The following ATP2B2 variants were observed in gnomAD, a reference collection of about 807,000 sequenced individuals.
The protein encoded by ATP2B2 is ATPase plasma membrane Ca2+ transporting 2.
In ATP2B2, 15 loss-of-function variants were observed where a neutral mutation model predicts 120.0. That is an observed-to-expected ratio of 0.12 (90% CI 0.08 to 0.19). The LOEUF (loss-of-function observed/expected upper bound fraction) is 0.19. Ranked by LOEUF, ATP2B2 falls within the 10% of genes least tolerant of loss-of-function variation. The pLI is 1.00. For synonymous variants in ATP2B2, 694 were observed against 700.3 expected (o/e 0.99, Z 0.14); for missense variants, 1,045 against 1,719.8 (o/e 0.61, Z 6.94).
intron 1 of ATP2B2, among the ~76,000 whole-genome samples, chr3:10,466,946 C>G (rs1023672125): frequency 1.3e-5 from 2 of 152,238 alleles, no homozygotes; most frequent in African/African-American, 2.4e-5. Flanking sequence ...TCACACCCAC[C>G]ATGGGTGGGT....
At chr3:10,699,714 T>C (rs952121690) in intron 1 of ATP2B2, among the ~76,000 whole-genome samples, 2 of 152,160 alleles carry the variant, frequency 1.3e-5, no homozygotes, top group African/African-American at 4.8e-5. Context: ...TAAGAGGTGA[T>C]TAGATCATGG....
At position 10,400,956 on chromosome 3, in the gene ATP2B2, A is replaced by C; in HGVS notation, c.778T>G (p.Ser260Ala). ...CCAACATCAGGCTGAAGCTCACCTG[A>C]CAGCAGCATGGGGTCCTTGTCCACG... ...KSVDKDPMLL[S>A]GTHVMEGSGR... is the part of the protein sequence containing the mutation. Residue 260 changes from serine (S) to alanine (A), a missense_variant, in exon 5 of 23, where the codon TCA (serine) becomes GCA (alanine). Physicochemically the swap from Ser to Ala is moderately conservative, Grantham distance 99. Coordinates refer to ENST00000360273, the MANE Select transcript of ATP2B2 (RefSeq NM_001001331.4). 2 of 1,614,060 alleles carry C rather than the reference A, an allele frequency of 1.2e-6. No homozygotes were observed. Among genetic ancestry groups the C allele is most frequent in the Non-Finnish European group, 1.7e-6 (2 of 1,179,952 alleles).
chr3:10,472,443 T>C (rs2065051137), intron 1 of ATP2B2, among the ~76,000 whole-genome samples: 1 of 152,204 alleles, frequency 6.6e-6, no homozygotes, highest in Non-Finnish European at 1.5e-5. Flanking sequence ...GGGCAAGGAC[T>C]GTTCCAAGGT....
intron 12 of ATP2B2, among the ~76,000 whole-genome samples, chr3:10,367,478 A>AG (rs1214084675): frequency 2.0e-5 from 3 of 152,130 alleles, no homozygotes; most frequent in Non-Finnish European, 4.4e-5. Flanking sequence ...CAAACTACAG[A>AG]GGGGAAAGCT....
At chr3:10,344,201 A>G (rs2060364050) in intron 18 of ATP2B2, among the ~76,000 whole-genome samples, 2 of 151,942 alleles carry the variant, frequency 1.3e-5, no homozygotes, top group Non-Finnish European at 2.9e-5. Context: ...TGGCCTCGCC[A>G]CCAACTCAAT....
Position 10,340,466 on chromosome 3 carries a change from G to T in ATP2B2, c.3129+27C>A, listed in dbSNP as rs1159151772. 3.1e-6 allele frequency: 5 copies of T among 1,614,002 alleles called. No homozygotes were observed. Among genetic ancestry groups the T allele is most frequent in the East Asian group, 2.2e-5 (1 of 44,880 alleles). On this transcript the variant is annotated intron_variant, in intron 20 of 22. Transcript: ENST00000360273. The surrounding 1 kb of genome is among the most constrained non-coding windows in gnomAD (Gnocchi z 5.0). ...TCCAGCCGCTTGCTGCCCACCCCGGGCCTGGTTAGGGTGGGGGCCTCACTA... is the reference window on the plus strand; with the variant it reads ...TCCAGCCGCTTGCTGCCCACCCCGGTCCTGGTTAGGGTGGGGGCCTCACTA...
At position 10,383,797 on chromosome 3, in the gene ATP2B2, A is replaced by T. The variant is rs142468252; in HGVS notation, c.1000+1471T>A. Among the ~76,000 whole-genome samples the T allele has an allele frequency of 1.2e-3, 179 of 152,310 alleles. 6 individuals are homozygous for T. The South Asian group carries it at 0.028, about 23-fold the overall frequency. Reference sequence around the variant, plus strand: ...TGGTCAAGAAATGAACGTTTCCTACAGTTTCTCTTGGGATATTTGGGGTTT... The same window carrying T: ...TGGTCAAGAAATGAACGTTTCCTACTGTTTCTCTTGGGATATTTGGGGTTT... On this transcript the variant is annotated intron_variant, in intron 8 of 22. Coordinates refer to ENST00000360273, the MANE Select transcript of ATP2B2 (RefSeq NM_001001331.4).
intron 2 of ATP2B2, among the ~76,000 whole-genome samples, chr3:10,428,020 A>T (rs2063196962): frequency 6.6e-6 from 1 of 152,218 alleles, no homozygotes; most frequent in Admixed American, 6.5e-5. Flanking sequence ...TAAATCCTTC[A>T]TGTGTTCTAT....
intron 1 of ATP2B2, among the ~76,000 whole-genome samples, chr3:10,707,329 GGA>G (rs1333344565): frequency 2.0e-5 from 3 of 152,212 alleles, no homozygotes; most frequent in Non-Finnish European, 2.9e-5. Flanking sequence ...AGGTGAGGCT[GGA>G]GATGCGGAGA....
chr3:10,610,733 A>C (rs77309849), intron 2 of ATP2B2, among the ~76,000 whole-genome samples: 6,340 of 151,738 alleles, frequency 0.042, 204 homozygotes, highest in South Asian at 0.1. Flanking sequence ...CTCCCTTCAT[A>C]TCTCTCTCCT....
chr3:10,577,212 C>T (rs2068274289), intron 2 of ATP2B2, among the ~76,000 whole-genome samples: 2 of 152,146 alleles, frequency 1.3e-5, no homozygotes, highest in Admixed American at 1.3e-4. Flanking sequence ...GAATCACATT[C>T]ACCTTAGGAC....
intron 12 of ATP2B2, among the ~76,000 whole-genome samples, chr3:10,366,449 C>T (rs1255455834): frequency 6.6e-6 from 1 of 152,208 alleles, no homozygotes; most frequent in Non-Finnish European, 1.5e-5. Context: ...GGAATCCTTC[C>T]TTCAGAACCA....
chr3:10,663,071 A>C (rs1031344440), intron 1 of ATP2B2, among the ~76,000 whole-genome samples: 1 of 117,846 alleles, frequency 8.5e-6, no homozygotes, highest in African/African-American at 3.3e-5. Context: ...GAAGGGGAAC[A>C]TCACACACCG....
chr3:10,502,118 C>G (rs1013149920), intron 1 of ATP2B2, among the ~76,000 whole-genome samples: 7 of 152,232 alleles, frequency 4.6e-5, no homozygotes, highest in African/African-American at 1.7e-4. Flanking sequence ...GCATAAGCCA[C>G]AGGCAGCTTT....
chr3:10,345,090 TCTCCTGC>T (rs1431627479), intron 18 of ATP2B2, among the ~76,000 whole-genome samples: 1 of 152,118 alleles, frequency 6.6e-6, no homozygotes, highest in Non-Finnish European at 1.5e-5. Flanking sequence ...GAGGATTCCC[TCTCCTGC>T]CTCCTGCAGT....
chr3:10,581,374 G>A (rs1239245716), intron 2 of ATP2B2, among the ~76,000 whole-genome samples: 2 of 152,208 alleles, frequency 1.3e-5, no homozygotes, highest in South Asian at 4.1e-4. Flanking sequence ...CTGGATGGTG[G>A]GGATGGTAAG....
intron 2 of ATP2B2, among the ~76,000 whole-genome samples, chr3:10,411,123 C>T (rs531499149): frequency 6.6e-6 from 1 of 152,276 alleles, no homozygotes; most frequent in Admixed American, 6.5e-5. Flanking sequence ...ACGATGAGAG[C>T]ATCCAGGATT....
intron 2 of ATP2B2, among the ~76,000 whole-genome samples, chr3:10,537,998 G>A (rs972200782): frequency 6.6e-6 from 1 of 152,052 alleles, no homozygotes; most frequent in East Asian, 1.9e-4. Flanking sequence ...AACCCCACTT[G>A]GTCATGATGC....
intron 1 of ATP2B2, among the ~76,000 whole-genome samples, chr3:10,636,306 G>A (rs528575045): frequency 9.2e-5 from 14 of 152,254 alleles, no homozygotes; most frequent in Non-Finnish European, 1.8e-4. Flanking sequence ...CATTTCCCAG[G>A]AGATGCACAG....
Sources: allele counts gnomAD v4.1 joint callset (sites outside exome capture counted in the v4.1 genomes callset), GRCh38; gene constraint gnomAD v4.1.1; non-coding constraint Gnocchi (gnomAD v3.1); transcripts MANE v1.5; gene names NCBI Gene and HGNC (gene_info 2026-07-23, HGNC 2026-07-21).